The following DEPTOR variants were observed in gnomAD, a reference collection of about 807,000 sequenced individuals.
DEPTOR encodes DEP domain containing MTOR interacting protein.
In DEPTOR, 41 loss-of-function variants were observed where a neutral mutation model predicts 41.6. The ratio of observed to expected loss-of-function variants is 0.98; its 90% confidence interval spans 0.77 to 1.28. DEPTOR has a LOEUF of 1.28. Among genes scored for constraint, DEPTOR ranks in the 50% most tolerant of loss-of-function variants. The pLI, the probability that DEPTOR is intolerant of heterozygous loss-of-function variation, is 0.00. For synonymous variants in DEPTOR, 195 were observed against 192.3 expected, an observed-to-expected ratio of 1.01 and a Z score of -0.12; for missense variants, 514 against 527.9, an observed-to-expected ratio of 0.97 and a Z score of 0.26.
intron 3 of DEPTOR, among the ~76,000 whole-genome samples, chr8:119,930,285 G>A (rs1315452704): frequency 2.6e-5 from 4 of 152,106 alleles, no homozygotes; most frequent in African/African-American, 4.8e-5. Flanking sequence ...TGCCCAGGCT[G>A]GAGTGCAGTG....
Position 119,970,214 on chromosome 8 carries a change from A to C in DEPTOR, c.604+4804A>C, listed in dbSNP as rs72673654. On this transcript the variant is annotated intron_variant, in intron 4 of 8. Transcript: ENST00000286234. Reference sequence around the variant, plus strand: ...TTTAATTTATAGATGTGTACCATCTATAAAGGCATTAGGCTACTTTATAGA... The same window carrying C: ...TTTAATTTATAGATGTGTACCATCTCTAAAGGCATTAGGCTACTTTATAGA... Among the ~76,000 whole-genome samples the C allele has an allele frequency of 5.8e-3, 876 of 152,338 alleles. 5 individuals carry two copies. The highest frequency in any genetic ancestry group is 0.03 in the South Asian group (146 of 4,828).
intron 8 of DEPTOR, among the ~76,000 whole-genome samples, chr8:120,037,299 G>A (rs542430780): frequency 6.6e-6 from 1 of 152,280 alleles, no homozygotes; most frequent in South Asian, 2.1e-4. Context: ...ATAACTCAGA[G>A]AATTTCTAAC....
intron 8 of DEPTOR, among the ~76,000 whole-genome samples, chr8:120,009,455 A>G (rs1358046695): frequency 6.6e-6 from 1 of 151,962 alleles, no homozygotes; most frequent in Non-Finnish European, 1.5e-5. Flanking sequence ...CCTACTAAAA[A>G]TACAAAAATT....
At chr8:120,012,272 A>G (rs7387672) in intron 8 of DEPTOR, among the ~76,000 whole-genome samples, 129,289 of 152,110 alleles carry the variant, frequency 0.85, 55,344 homozygotes, top group African/African-American at 0.96. Flanking sequence ...GTTTTAAGGC[A>G]ATTTTGTCAT....
intron 8 of DEPTOR, among the ~76,000 whole-genome samples, chr8:120,021,058 C>CAAAGTAAAATAAAATAAAAT (rs1812700336): frequency 8.3e-6 from 1 of 119,920 alleles, no homozygotes; most frequent in Non-Finnish European, 1.7e-5. Flanking sequence ...GACTCTGTCT[C>CAAAGTAAAATAAAATAAAAT]AAAATAAAAT....
chr8:120,030,497 G>GTTTTTTTTTTTGTTTTTTT (rs1812871335), intron 8 of DEPTOR, among the ~76,000 whole-genome samples: 5 of 46,192 alleles, frequency 1.1e-4, no homozygotes, highest in Non-Finnish European at 1.9e-4. Context: ...AGGTTCATCA[G>GTTTTTTTTTTTGTTTTTTT]TTTTTTTTTT....
At chr8:119,918,010 A>G (rs1827836735) in intron 1 of DEPTOR, among the ~76,000 whole-genome samples, 1 of 152,202 alleles carries the variant, frequency 6.6e-6, no homozygotes. Flanking sequence ...TCATGTGTTT[A>G]TCTGCTGACC....
chr8:119,956,867 T>A lies in DEPTOR; in HGVS notation c.426-8365T>A, dbSNP rs554870196. On this transcript the variant is annotated intron_variant, in intron 3 of 8. Coordinates refer to ENST00000286234, the MANE Select transcript of DEPTOR (RefSeq NM_022783.4). ...CTCCTGCCTCAGCCTCCCAAGCAGC[T>A]GGGATTATAGGCACCCACCACCACA... is the stretch of plus-strand genomic sequence containing the variant. Among the ~76,000 whole-genome samples, 7 of 152,040 alleles carry A rather than the reference T, an allele frequency of 4.6e-5. No homozygotes were observed. In the East Asian group the frequency reaches 1.4e-3, roughly 29 times the overall value.
rs1187406757 is a variant in DEPTOR, at chr8:119,915,964, A to AT, written c.123-12436_123-12435insT. The stretch of plus-strand genomic sequence containing the variant: ...ATTTGTTAAAAAAAAAAAAAAAAAA[A>AT]AAAGCTGAAATGCTACTTAGTGGCC... On this transcript the variant is annotated intron_variant, in intron 1 of 8. Transcript: ENST00000286234. 2.5e-3 allele frequency among the ~76,000 whole-genome samples: 362 copies of AT among 146,312 alleles called. 5 individuals carry two copies. The highest frequency in any genetic ancestry group is 8.9e-3 in the African/African-American group (348 of 39,108).
intron 5 of DEPTOR, 53 bp downstream of exon 5, chr8:120,001,763 G>A: frequency 6.4e-7 from 1 of 1,556,324 alleles, no homozygotes; most frequent in Non-Finnish European, 8.7e-7. Flanking sequence ...TTGAGAAATA[G>A]TGGAGCCATG....
At chr8:119,963,715 T>C (rs1828520499) in intron 3 of DEPTOR, among the ~76,000 whole-genome samples, 1 of 152,114 alleles carries the variant, frequency 6.6e-6, no homozygotes, top group Admixed American at 6.6e-5. Context: ...GCATCATATA[T>C]GGATGCATAG....
chr8:120,014,423 A>G (rs1482528519), intron 8 of DEPTOR, among the ~76,000 whole-genome samples: 1 of 152,194 alleles, frequency 6.6e-6, no homozygotes, highest in Non-Finnish European at 1.5e-5. Flanking sequence ...GTCAGCATCC[A>G]GATACTCATA....
intron 1 of DEPTOR, among the ~76,000 whole-genome samples, chr8:119,920,954 T>C (rs1037447979): frequency 2.0e-5 from 3 of 151,586 alleles, no homozygotes; most frequent in Non-Finnish European, 4.4e-5. Context: ...AATGGTCCAG[T>C]TTCCTCGATG....
intron 4 of DEPTOR, among the ~76,000 whole-genome samples, chr8:119,997,146 T>C (rs1812278681): frequency 6.6e-6 from 1 of 152,206 alleles, no homozygotes; most frequent in South Asian, 2.1e-4. Context: ...AGTCTCACTA[T>C]GTTTCCCAAG....
At chr8:119,958,585 C>G (rs1371598865) in intron 3 of DEPTOR, among the ~76,000 whole-genome samples, 1 of 151,948 alleles carries the variant, frequency 6.6e-6, no homozygotes, top group African/African-American at 2.4e-5. Context: ...AGTTTGAGAC[C>G]AGCCTGAACA....
At chr8:119,953,032 T>C (rs1224002144) in intron 3 of DEPTOR, among the ~76,000 whole-genome samples, 1 of 152,220 alleles carries the variant, frequency 6.6e-6, no homozygotes, top group Non-Finnish European at 1.5e-5. Context: ...CTATGTAACA[T>C]GTGCTCTATA....
chr8:119,904,226 T>C (rs533431272), intron 1 of DEPTOR, among the ~76,000 whole-genome samples: 126 of 152,058 alleles, frequency 8.3e-4, no homozygotes, highest in African/African-American at 2.9e-3. Flanking sequence ...CAAGCAGTTC[T>C]CATGTCTCAG....
chr8:120,032,051 T>C (rs921859295), intron 8 of DEPTOR, among the ~76,000 whole-genome samples: 10 of 152,108 alleles, frequency 6.6e-5, no homozygotes, highest in African/African-American at 2.2e-4. Context: ...CACTTCCGCC[T>C]TTACCTCTCA....
chr8:119,907,717 T>C (rs2129773505), intron 1 of DEPTOR, among the ~76,000 whole-genome samples: 2 of 152,238 alleles, frequency 1.3e-5, no homozygotes, highest in East Asian at 3.9e-4. Context: ...CCCTTGAAGG[T>C]TGCAGTGAAC....
Sources: gnomAD v4.1 joint callset for allele counts (sites outside exome capture counted in the v4.1 genomes callset) on GRCh38, gnomAD v4.1.1 for gene constraint, MANE v1.5 for transcripts, NCBI Gene and HGNC (gene_info 2026-07-23, HGNC 2026-07-21) for gene names.